TRHDE: variants seen among roughly 807,000 people sequenced by gnomAD.
TRHDE encodes thyrotropin-releasing hormone-degrading ectoenzyme.
Under a neutral mutation model 125.7 loss-of-function variants are expected in TRHDE, and 72 were observed. That is an observed-to-expected ratio of 0.57 (90% CI 0.47 to 0.70). The LOEUF (loss-of-function observed/expected upper bound fraction) is 0.70. TRHDE is among the 30% of genes least tolerant of loss of function. The pLI is 0.00. For synonymous variants in TRHDE, 509 were observed against 509.1 expected (o/e 1.00, Z 0.00); for missense variants, 1,110 against 1,327.1 (o/e 0.84, Z 2.54).
chr12:72,492,017 T>TAA (rs1565763800), intron 5 of TRHDE, among the ~76,000 whole-genome samples: 1 of 151,996 alleles, frequency 6.6e-6, no homozygotes, highest in Admixed American at 6.6e-5. Context: ...TAGGCATTAG[T>TAA]GGTGATTATT....
At chr12:72,470,688 T>A (rs1356500554) in intron 4 of TRHDE, among the ~76,000 whole-genome samples, 2 of 152,004 alleles carry the variant, frequency 1.3e-5, no homozygotes, top group East Asian at 3.9e-4. Context: ...TGTGATACAG[T>A]GTGATTTCAA....
At chr12:72,502,877 G>C (rs932206928) in intron 6 of TRHDE, among the ~76,000 whole-genome samples, 11 of 152,190 alleles carry the variant, frequency 7.2e-5, no homozygotes, top group South Asian at 2.1e-4. Flanking sequence ...GAGAAATGAG[G>C]GTTAAAACAT....
chr12:72,161,390 G>A (rs1282258523), intron 2 of TRHDE, among the ~76,000 whole-genome samples: 2 of 145,930 alleles, frequency 1.4e-5, no homozygotes, highest in Non-Finnish European at 3.0e-5. Context: ...CTGAGATCTC[G>A]CCACTGCACT....
chr12:72,643,605 G>C (rs1369958592), intron 15 of TRHDE, among the ~76,000 whole-genome samples: 3 of 151,984 alleles, frequency 2.0e-5, no homozygotes, highest in Non-Finnish European at 4.4e-5. Flanking sequence ...ATTCCTTCAG[G>C]GTGGTCTGTC....
At chr12:72,199,595 C>T (rs1165051412) in intron 2 of TRHDE, among the ~76,000 whole-genome samples, 3 of 151,984 alleles carry the variant, frequency 2.0e-5, no homozygotes, top group Non-Finnish European at 4.4e-5. Flanking sequence ...ATATTTGTGC[C>T]CTAACACTCC....
At chr12:72,493,079 G>C (rs188739670) in intron 5 of TRHDE, among the ~76,000 whole-genome samples, 1 of 151,952 alleles carries the variant, frequency 6.6e-6, no homozygotes, top group East Asian at 1.9e-4. Context: ...TATAGAAGAG[G>C]GAGTCAGGAA....
chr12:72,195,478 G>T (rs1020467378), intron 2 of TRHDE, among the ~76,000 whole-genome samples: 1 of 151,840 alleles, frequency 6.6e-6, no homozygotes, highest in African/African-American at 2.4e-5. Context: ...TTGTGGTTTT[G>T]CTTTGCACTT....
chr12:72,220,889 G>A (rs1184378819), intron 2 of TRHDE, among the ~76,000 whole-genome samples: 1 of 151,844 alleles, frequency 6.6e-6, no homozygotes, highest in African/African-American at 2.4e-5. Context: ...AGTTAGTATA[G>A]GTGTGGTTGT....
At chr12:72,421,489 T>G (rs1873951481) in intron 3 of TRHDE, among the ~76,000 whole-genome samples, 1 of 152,184 alleles carries the variant, frequency 6.6e-6, no homozygotes, top group Admixed American at 6.5e-5. Context: ...CAGAGAAAGA[T>G]CTGTCTGAGA....
At chr12:72,599,216 C>A (rs1247827076) in intron 12 of TRHDE, among the ~76,000 whole-genome samples, 2 of 151,954 alleles carry the variant, frequency 1.3e-5, no homozygotes. Flanking sequence ...TTTGGTAGAA[C>A]AATTTATTTT....
intron 5 of TRHDE, among the ~76,000 whole-genome samples, chr12:72,486,128 T>C (rs1320499019): frequency 1.3e-5 from 2 of 152,150 alleles, no homozygotes; most frequent in African/African-American, 4.8e-5. Flanking sequence ...ATGTCAATAC[T>C]GTGCCTGGAC....
intron 2 of TRHDE, among the ~76,000 whole-genome samples, chr12:72,151,356 G>T (rs62524178): frequency 0.094 from 14,311 of 151,460 alleles, 1,301 homozygotes; most frequent in African/African-American, 0.24. Context: ...GCCTGTTCAC[G>T]CTGATGGTAG....
rs59164233 is a variant in TRHDE, at chr12:72,187,310, AACACACACACACAC to A, written n.279+81597_279+81610del. On this transcript the variant is annotated intron_variant and non_coding_transcript_variant, in intron 2 of 4. Transcript: ENST00000548156. ...GTACTAGGGTTCTTCAGAGAAACAC[AACACACACACACAC>A]ACACACACACACACACACACACACA... Among the ~76,000 whole-genome samples, 1,117 of 131,322 alleles carry A rather than the reference AACACACACACACAC, an allele frequency of 8.5e-3. 6 individuals are homozygous for A. Among genetic ancestry groups the A allele is most frequent in the Admixed American group, 0.014 (190 of 13,276 alleles). The allele number at this position is 131,322 out of a possible 152,430, so 86.2% of individuals were successfully genotyped here. A position where few individuals can be genotyped will look rare whatever the true frequency, so the allele number is the denominator to read the frequency against.
chr12:72,233,021 A>G (rs760902224), intron 2 of TRHDE, among the ~76,000 whole-genome samples: 3 of 152,162 alleles, frequency 2.0e-5, no homozygotes, highest in Non-Finnish European at 4.4e-5. Flanking sequence ...TAGTGCCTCT[A>G]CAGGGTAAGA....
At chr12:72,103,511 T>G (rs907870281) in intron 1 of TRHDE, among the ~76,000 whole-genome samples, 4 of 152,022 alleles carry the variant, frequency 2.6e-5, no homozygotes, top group East Asian at 3.9e-4. Context: ...GACCCTGTTA[T>G]ACAATTTTCA....
At position 72,206,007 on chromosome 12, in the gene TRHDE, A is replaced by T. The variant is rs1228369913; in HGVS notation, n.279+100255A>T. Among the ~76,000 whole-genome samples, 2 of 152,206 alleles carry T rather than the reference A, an allele frequency of 1.3e-5. 1 individual carries two copies. The highest frequency in any genetic ancestry group is 4.1e-4 in the South Asian group (2 of 4,822). ...GTTTCAATTTTTCCACATCCTCACC[A>T]GCACCTGTGATTTTTCTGTTTTTTG... On this transcript the variant is annotated intron_variant and non_coding_transcript_variant, in intron 2 of 4. Transcript: ENST00000548156.
At chr12:72,302,613 A>C (rs1400950053) in intron 2 of TRHDE, among the ~76,000 whole-genome samples, 2 of 152,124 alleles carry the variant, frequency 1.3e-5, no homozygotes, top group African/African-American at 4.8e-5. Flanking sequence ...AGCTGGGCTT[A>C]AGCTCAGGTG....
intron 12 of TRHDE, among the ~76,000 whole-genome samples, chr12:72,586,339 G>A (rs571324964): frequency 7.9e-5 from 12 of 152,184 alleles, no homozygotes; most frequent in African/African-American, 7.2e-5. Context: ...GTGGGAAATC[G>A]TAAAGCCTTA....
Position 72,499,479 on chromosome 12 carries a change from C to T in TRHDE, c.1585-19C>T, listed in dbSNP as rs754078622. On this transcript the variant is annotated intron_variant, in intron 5 of 18. Transcript: ENST00000261180. ...AACTATGAATCACCTATGATATTGC[C>T]CCGTCTGCTGTATTGCAGGAAAAGC... 2.7e-5 allele frequency: 44 copies of T among 1,611,876 alleles called. No individual in the cohort carries two copies. In the South Asian group the frequency reaches 4.4e-4, roughly 16 times the overall value.
Sources: gnomAD v4.1 joint callset for allele counts (sites outside exome capture counted in the v4.1 genomes callset) on GRCh38, gnomAD v4.1.1 for gene constraint, MANE v1.5 for transcripts, NCBI Gene and HGNC (gene_info 2026-07-23, HGNC 2026-07-21) for gene names.